The following WLS variants were observed in gnomAD, a reference collection of about 807,000 sequenced individuals.
WLS encodes the protein protein wntless homolog.
Under a neutral mutation model 62.8 loss-of-function variants are expected in WLS, and 23 were observed. That is an observed-to-expected ratio of 0.37 (90% CI 0.26 to 0.52). The LOEUF (loss-of-function observed/expected upper bound fraction) is 0.52, where lower values mean the gene tolerates loss of function less well. WLS is among the 20% of genes least tolerant of loss of function. The pLI is 0.92. For missense variants in WLS, 615 were observed against 697.3 expected (o/e 0.88, Z 1.33); for synonymous variants, 246 against 244.1 (o/e 1.01, Z -0.07).
At chr1:68,192,205 A>G (rs1648348888) in intron 2 of WLS, among the ~76,000 whole-genome samples, 1 of 152,224 alleles carries the variant, frequency 6.6e-6, no homozygotes, top group African/African-American at 2.4e-5. Flanking sequence ...TTATCTCAGC[A>G]CAATCTATTT....
intron 1 of WLS, among the ~76,000 whole-genome samples, chr1:68,228,568 T>G (rs4655789): frequency 0.087 from 13,174 of 152,180 alleles, 1,109 homozygotes; most frequent in East Asian, 0.38. Context: ...AGGCTTATTT[T>G]TAAGGAGGAT....
chr1:68,190,601 C>A (rs965186575), intron 2 of WLS, among the ~76,000 whole-genome samples: 1 of 152,202 alleles, frequency 6.6e-6, no homozygotes, highest in African/African-American at 2.4e-5. Flanking sequence ...AGCCTGCCAA[C>A]AACCATGTGA....
chr1:68,196,508 A>G (rs1290260836), intron 1 of WLS, among the ~76,000 whole-genome samples: 3 of 152,098 alleles, frequency 2.0e-5, no homozygotes, highest in Non-Finnish European at 4.4e-5. Flanking sequence ...GAAAAGCAAA[A>G]AGAAAGTTAT....
At chr1:68,187,582 G>C (rs987438451) in intron 2 of WLS, among the ~76,000 whole-genome samples, 3 of 152,192 alleles carry the variant, frequency 2.0e-5, no homozygotes, top group Non-Finnish European at 4.4e-5. Flanking sequence ...ATTCATCTGT[G>C]AAATTATTTA....
chr1:68,208,761 A>T (rs940698346), intron 1 of WLS, among the ~76,000 whole-genome samples: 1 of 152,206 alleles, frequency 6.6e-6, no homozygotes, highest in African/African-American at 2.4e-5. Context: ...TGCAAACGTT[A>T]GGCAGAATTT....
chr1:68,202,132 T>C (rs990452134), intron 1 of WLS: 2 of 152,202 alleles, frequency 1.3e-5, no homozygotes, highest in Non-Finnish European at 2.9e-5. Context: ...TCCCATGGAA[T>C]GGAGGAGCAT....
At chr1:68,109,486 G>T (rs1646192405) in intron 11 of WLS, among the ~76,000 whole-genome samples, 1 of 152,160 alleles carries the variant, frequency 6.6e-6, no homozygotes, top group Non-Finnish European at 1.5e-5. Context: ...TATTTGAAAT[G>T]TATAATAATT....
chr1:68,139,158 T>C (rs1295818832), intron 10 of WLS, among the ~76,000 whole-genome samples: 1 of 152,232 alleles, frequency 6.6e-6, no homozygotes, highest in East Asian at 1.9e-4. Context: ...TTGTGACTCA[T>C]AAACAAACCA....
At chr1:68,143,863 T>C (rs930313363) in intron 10 of WLS, among the ~76,000 whole-genome samples, 3 of 152,222 alleles carry the variant, frequency 2.0e-5, no homozygotes, top group Admixed American at 1.3e-4. Context: ...AACTGTTAAG[T>C]AATCCATCCA....
chr1:68,150,301 A>G lies in WLS; in HGVS notation c.859T>C (p.Phe287Leu). 6.2e-7 allele frequency: 1 copy of G among 1,614,214 alleles called. No homozygotes were observed. Among genetic ancestry groups the G allele is most frequent in the Non-Finnish European group, 8.5e-7 (1 of 1,180,042 alleles). Residue 287 changes from phenylalanine (F) to leucine (L), a missense_variant, in exon 6 of 12, where the codon TTT (phenylalanine) becomes CTT (leucine). By Grantham distance (22) the Phe-to-Leu change is conservative. Coordinates refer to ENST00000262348, the MANE Select transcript of WLS (RefSeq NM_024911.7). ...MTFINIPVEW[F>L]SIGFDWTWML... ...CAGGTCCAGTCAAACCCGATGGAAA[A>G]CCATTCCACTGGGATATTGATAAAG...
intron 11 of WLS, among the ~76,000 whole-genome samples, chr1:68,103,631 A>AG (rs1429177541): frequency 6.6e-6 from 1 of 152,162 alleles, no homozygotes; most frequent in East Asian, 1.9e-4. Flanking sequence ...TGTAGTTTGT[A>AG]GGGGGATACT....
At chr1:68,154,512 G>A (rs1646870479) in intron 4 of WLS, among the ~76,000 whole-genome samples, 1 of 152,096 alleles carries the variant, frequency 6.6e-6, no homozygotes, top group East Asian at 1.9e-4. Flanking sequence ...AGTTCAATAT[G>A]ATCCTACTTT....
chr1:68,104,374 A>G (rs1570791545), intron 11 of WLS, among the ~76,000 whole-genome samples: 1 of 152,166 alleles, frequency 6.6e-6, no homozygotes, highest in African/African-American at 2.4e-5. Context: ...TCTTTTGGAA[A>G]CATAATAGTT....
intron 1 of WLS, among the ~76,000 whole-genome samples, chr1:68,194,643 T>C (rs1648564475): frequency 6.6e-6 from 1 of 152,336 alleles, no homozygotes; most frequent in Middle Eastern, 3.4e-3. Flanking sequence ...GTTAAAAACC[T>C]ACTGTCAGTG....
At chr1:68,174,374 T>TA (rs1647199853) in intron 2 of WLS, among the ~76,000 whole-genome samples, 1 of 152,190 alleles carries the variant, frequency 6.6e-6, no homozygotes, top group African/African-American at 2.4e-5. Flanking sequence ...GGGTTCTATT[T>TA]AAAGATAAGG....
intron 11 of WLS, among the ~76,000 whole-genome samples, chr1:68,119,699 G>A (rs1185419627): frequency 6.6e-6 from 1 of 152,210 alleles, no homozygotes; most frequent in Non-Finnish European, 1.5e-5. Flanking sequence ...GTGCTTCCTG[G>A]AATCACCTTT....
intron 10 of WLS, 35 bp downstream of exon 10, chr1:68,144,534 G>T (rs1251053416): frequency 1.3e-6 from 2 of 1,593,206 alleles, no homozygotes; most frequent in East Asian, 2.2e-5. Flanking sequence ...TCTCTGCAGA[G>T]ACATTCTCAC....
At chr1:68,217,905 A>G (rs1425046412) in intron 1 of WLS, among the ~76,000 whole-genome samples, 6 of 152,226 alleles carry the variant, frequency 3.9e-5, no homozygotes, top group Non-Finnish European at 7.3e-5. Flanking sequence ...GGAGGGCTTC[A>G]GTCCCAGTTC....
At chr1:68,162,086 C>A (rs370158062) in intron 2 of WLS, 69 of 1,568,310 alleles carry the variant, frequency 4.4e-5, no homozygotes, top group African/African-American at 4.2e-4. Context: ...GTGGCAGCTG[C>A]CTCCCTCATC....
Sources: gnomAD v4.1 joint callset for allele counts (sites outside exome capture counted in the v4.1 genomes callset) on GRCh38, gnomAD v4.1.1 for gene constraint, MANE v1.5 for transcripts, NCBI Gene and HGNC (gene_info 2026-07-23, HGNC 2026-07-21) for gene names.